The following CYP2A7 variants were observed in gnomAD, a reference collection of about 807,000 sequenced individuals.
CYP2A7 encodes the protein cytochrome P450 family 2 subfamily A member 7, also known as cytochrome P450 2A7.
In CYP2A7, 36 loss-of-function variants were observed where a neutral mutation model predicts 42.0. The ratio of observed to expected loss-of-function variants is 0.86; its 90% confidence interval spans 0.66 to 1.13. CYP2A7 has a LOEUF of 1.13. CYP2A7 is among the 50% of genes most tolerant of loss of function. CYP2A7 has a pLI of 0.00. For synonymous variants in CYP2A7, 260 were observed against 249.5 expected, an observed-to-expected ratio of 1.04 and a Z score of -0.40; for missense variants, 661 against 634.1, an observed-to-expected ratio of 1.04 and a Z score of -0.46.
intron 2 of CYP2A7, 58 bp from the exon 3 acceptor site, chr19:40,880,686 A>T: frequency 6.4e-7 from 1 of 1,558,594 alleles, no homozygotes; most frequent in Non-Finnish European, 8.7e-7. Context: ...GCAGGAGCGG[A>T]CCAGTTCCAA....
rs999786638 is a variant in CYP2A7 at position 40,881,614 on chromosome 19, G to T, written c.318C>A (p.Thr106=). 1 of 1,612,356 alleles carries T rather than the reference G, an allele frequency of 6.2e-7. No homozygotes were observed. ...CATAGCCTTTGAAGACCCAGTCGAA[G>T]GTGGCTTGCTCGCCTCGCCCGCTGA... ...EEFSGRGEQA[T]FDWVFKGYGV... Residue 106 remains threonine, a synonymous_variant, in exon 2 of 9, where the codon ACC becomes ACA. Coordinates refer to ENST00000301146, the MANE Select transcript of CYP2A7 (RefSeq NM_000764.3).
In CYP2A7 at chr19:40,877,311, G is replaced by C. The variant is rs774438989; in HGVS notation, c.1040C>G (p.Thr347Ser). ...CACTGCCTCCATGTAGGGCATCTTG[G>C]TCCGGTCCTCAAACTTGGGCTGCCG... ...KNRQPKFEDRTKMPYMEAVIH... is the reference protein window; with the variant it reads ...KNRQPKFEDRSKMPYMEAVIH... Residue 347 changes from threonine to serine, a missense_variant, in exon 7 of 9, where the codon ACC (threonine) becomes AGC (serine). Around this residue, in one of 3 missense-constraint regions of CYP2A7, gnomAD observed 614 missense variants for 552.4 expected, o/e 1.11. Coordinates refer to ENST00000301146, the MANE Select transcript of CYP2A7 (RefSeq NM_000764.3). The C allele has an allele frequency of 2.0e-5, 33 of 1,612,750 alleles. No individual in the cohort carries two copies. The African/African-American group carries it at 3.5e-4, about 17-fold the overall frequency.
In CYP2A7 at chr19:40,877,199, G is replaced by GA. The variant is rs774434674; in HGVS notation, c.1151dup (p.Leu385ProfsTer3). The GA allele has an allele frequency of 6.8e-5, 110 of 1,612,542 alleles. 4 individuals are homozygous for GA. Among genetic ancestry groups the GA allele is most frequent in the Non-Finnish European group, 8.9e-5 (105 of 1,179,118 alleles). ...GTGGGGAGGATAGCACCTTAGGGAGGAAAAAATCCCGAAACTTGGTGTCCT... is the reference window on the plus strand; with the variant it reads ...GTGGGGAGGATAGCACCTTAGGGAGGAAAAAAATCCCGAAACTTGGTGTCCT... On this transcript the variant is annotated frameshift_variant, in exon 7 of 9. Coordinates refer to ENST00000301146, the MANE Select transcript of CYP2A7 (RefSeq NM_000764.3). LOFTEE classifies it high-confidence loss of function.
At chr19:40,881,560 C>T in intron 2 of CYP2A7, 29 bp downstream of exon 2, 2 of 1,610,568 alleles carry the variant, frequency 1.2e-6, no homozygotes, top group Non-Finnish European at 8.5e-7. Context: ...TCCGCCTGGC[C>T]ACCTTCCCCA....
chr19:40,880,404 A>C, intron 3 of CYP2A7, 75 bp downstream of exon 3: 1 of 1,572,156 alleles, frequency 6.4e-7, no homozygotes, highest in South Asian at 1.2e-5. Context: ...CCCCATCCGC[A>C]GGCAGAACGC....
chr19:40,876,705 G>T (rs71358944), intron 7 of CYP2A7, 37 bp from the exon 8 acceptor site: 28 of 1,589,596 alleles, frequency 1.8e-5, no homozygotes, highest in Admixed American at 5.1e-5. Flanking sequence ...GATGAGGAGG[G>T]TCGGGGGATT....
intron 2 of CYP2A7, 88 bp from the exon 3 acceptor site, chr19:40,880,716 G>A: frequency 6.9e-7 from 1 of 1,441,356 alleles, no homozygotes; most frequent in Non-Finnish European, 9.3e-7. Context: ...CAAGGGTGGA[G>A]CAGAGGGGTA....
rs943630207 is a variant in CYP2A7, at chr19:40,876,691, G to A, written c.1162-23C>T. 5.6e-6 allele frequency: 9 copies of A among 1,603,660 alleles called. No individual in the cohort carries two copies. In the African/African-American group the frequency reaches 1.2e-4, roughly 21 times the overall value. On this transcript the variant is annotated intron_variant, in intron 7 of 8. Coordinates refer to ENST00000301146, the MANE Select transcript of CYP2A7 (RefSeq NM_000764.3). ...GCCCTGGTAGGGAGGAGGAAGTTGT[G>A]TGTGATGAGGAGGGTCGGGGGATTG... is the stretch of plus-strand genomic sequence containing the variant.
chr19:40,878,497 G>A (rs1305299342), intron 5 of CYP2A7, among the ~76,000 whole-genome samples: 4 of 151,926 alleles, frequency 2.6e-5, no homozygotes, highest in African/African-American at 7.2e-5. Context: ...ACCACGTGCA[G>A]CTAATTTTTG....
At position 40,875,913 on chromosome 19, in the gene CYP2A7, C is replaced by T. The variant is rs773568945; in HGVS notation, c.1304-39G>A. The T allele has an allele frequency of 3.6e-4, 540 of 1,495,866 alleles. 11 individuals carry two copies. The highest frequency in any genetic ancestry group is 4.6e-4 in the Non-Finnish European group (517 of 1,116,308). 92.7% of individuals were successfully genotyped at this position (1,495,866 alleles called of 1,614,324 possible). The stretch of plus-strand genomic sequence containing the variant: ...GCGGGAGGGGTGGAGGTGAAGCCCA[C>T]TCTCAGTGCAGCCTCGCCCCAGTAC... On this transcript the variant is annotated intron_variant, in intron 8 of 8. Transcript: ENST00000301146.
At position 40,881,731 on chromosome 19, in the gene CYP2A7, G is replaced by A. The variant is rs369565698; in HGVS notation, c.201C>T (p.Pro67=). The change falls in exon 2 of 9, where the codon CCC becomes CCT. Residue 67 remains proline (P), a synonymous_variant. Coordinates refer to ENST00000301146, the MANE Select transcript of CYP2A7 (RefSeq NM_000764.3). ...GGGGCCCCAAGTGAATGGTGAACAC[G>A]GGGCCATAGCACTCACTGAACTGAT... ...SIMKFSECYG[P]VFTIHLGPRR... The A allele has an allele frequency of 1.7e-5, 27 of 1,596,420 alleles. No homozygotes were observed. The highest frequency in any genetic ancestry group is 4.6e-5 in the South Asian group (4 of 87,344).
Position 40,878,008 on chromosome 19 carries a change from G to A in CYP2A7, c.832-15C>T, listed in dbSNP as rs776350530. On this transcript the variant is annotated splice_polypyrimidine_tract_variant and intron_variant, in intron 5 of 8. Transcript: ENST00000301146. ...TTCTTCTCCTCCTGCAGGGAGAGGG[G>A]GCTTTAGGCCAACCTCACTCCTCTT... The A allele has an allele frequency of 6.2e-7, 1 of 1,607,306 alleles. No homozygotes were observed. The highest frequency in any genetic ancestry group is 8.5e-7 in the Non-Finnish European group (1 of 1,176,958).
Position 40,878,483 on chromosome 19 carries a change from C to T in CYP2A7, c.831+277G>A, listed in dbSNP as rs559838920. 8.6e-5 allele frequency among the ~76,000 whole-genome samples: 13 copies of T among 151,884 alleles called. No individual in the cohort carries two copies. In the South Asian group the frequency reaches 1.5e-3, roughly 17 times the overall value. ...TCATTGCAACCTCTGCCCCCCTTCGCGCCACCACGTGCAGCTAATTTTTGG... is the reference window on the plus strand; with the variant it reads ...TCATTGCAACCTCTGCCCCCCTTCGTGCCACCACGTGCAGCTAATTTTTGG... On this transcript the variant is annotated intron_variant, in intron 5 of 8. Coordinates refer to ENST00000301146, the MANE Select transcript of CYP2A7 (RefSeq NM_000764.3).
chr19:40,878,732 C>G (rs4079367), intron 5 of CYP2A7, 28 bp downstream of exon 5: 2 of 1,604,970 alleles, frequency 1.2e-6, no homozygotes, highest in African/African-American at 2.7e-5. Context: ...TGGCTTTGCA[C>G]CTCCCCGCAC....
rs373354084 is a variant in CYP2A7, at chr19:40,877,358, A to T, written c.993T>A (p.Ile331=). The change falls in exon 7 of 9, where the codon ATT becomes ATA. Residue 331 remains isoleucine (I), a synonymous_variant. Transcript: ENST00000301146. ...GCCGGTTCTTGCCGATCACTCTGTCAATCTCCTCATGGACCTTGGCTGGGG... is the reference window on the plus strand; with the variant it reads ...GCCGGTTCTTGCCGATCACTCTGTCTATCTCCTCATGGACCTTGGCTGGGG... The part of the protein sequence containing the change: ...PEVEAKVHEE[I]DRVIGKNRQP... 19 of 1,612,320 alleles carry T rather than the reference A, an allele frequency of 1.2e-5. No individual in the cohort carries two copies. In the African/African-American group the frequency reaches 2.1e-4, roughly 18 times the overall value.
At chr19:40,880,022 A>G in intron 4 of CYP2A7, 62 bp downstream of exon 4, 2 of 1,595,416 alleles carry the variant, frequency 1.3e-6, no homozygotes, top group Non-Finnish European at 1.7e-6. Flanking sequence ...ACCTGTCTCC[A>G]GGTAGGGGAG....
intron 1 of CYP2A7, 49 bp from the exon 2 acceptor site, chr19:40,881,800 A>T (rs1967699852): frequency 6.3e-7 from 1 of 1,599,146 alleles, no homozygotes; most frequent in Admixed American, 1.7e-5. Context: ...CCCACTCTGA[A>T]TGGGGCCCAG....
In CYP2A7 at chr19:40,878,493, T is replaced by C. The variant is rs1369709051; in HGVS notation, c.831+267A>G. Among the ~76,000 whole-genome samples the C allele has an allele frequency of 3.3e-5, 5 of 151,772 alleles. 1 individual carries two copies. The highest frequency in any genetic ancestry group is 5.9e-5 in the Non-Finnish European group (4 of 67,874). On this transcript the variant is annotated intron_variant, in intron 5 of 8. Coordinates refer to ENST00000301146, the MANE Select transcript of CYP2A7 (RefSeq NM_000764.3). The stretch of plus-strand genomic sequence containing the variant: ...CTCTGCCCCCCTTCGCGCCACCACG[T>C]GCAGCTAATTTTTGGATTTTTAGTA...
Position 40,882,167 on chromosome 19 carries a change from A to G in CYP2A7, c.44T>C (p.Leu15Pro). 6.2e-7 allele frequency: 1 copy of G among 1,614,024 alleles called. No individual in the cohort carries two copies. Among genetic ancestry groups the G allele is most frequent in the Non-Finnish European group, 8.5e-7 (1 of 1,179,878 alleles). ...GLLLVALLAC[L>P]TVMVLMSVWQ... Reference sequence around the variant, plus strand: ...GACAGACATCAAGACCATCACAGTCAGGCAGGCCAGCAAGGCCACCAGAAG... The same window carrying G: ...GACAGACATCAAGACCATCACAGTCGGGCAGGCCAGCAAGGCCACCAGAAG... Residue 15 changes from leucine (L) to proline (P), a missense_variant, in exon 1 of 9, where the codon CTG (leucine) becomes CCG (proline). Transcript: ENST00000301146.
Sources: gnomAD v4.1 joint callset for allele counts (sites outside exome capture counted in the v4.1 genomes callset) on GRCh38, gnomAD v4.1.1 for gene constraint, gnomAD v4.1.1 regional missense constraint, MANE v1.5 for transcripts, NCBI Gene and HGNC (gene_info 2026-07-23, HGNC 2026-07-21) for gene names.